The following CTNNA3 variants were observed in gnomAD, a reference collection of about 807,000 sequenced individuals.
The protein encoded by CTNNA3 is catenin alpha-3.
A neutral mutation model predicts 95.7 loss-of-function variants in CTNNA3; 76 were observed. That is an observed-to-expected ratio of 0.79 (90% CI 0.66 to 0.96). CTNNA3 has a LOEUF of 0.96. Ranked by LOEUF, CTNNA3 falls within the 40% of genes least tolerant of loss-of-function variation. The pLI is 0.00. For synonymous variants in CTNNA3, 431 were observed against 374.4 expected (o/e 1.15, Z -1.74); for missense variants, 1,191 against 1,089.8 (o/e 1.09, Z -1.31).
At chr10:67,370,181 A>G (rs1843368646) in intron 5 of CTNNA3, among the ~76,000 whole-genome samples, 1 of 152,178 alleles carries the variant, frequency 6.6e-6, no homozygotes, top group South Asian at 2.1e-4. Flanking sequence ...TGAATACTAT[A>G]AAGCTGTTAC....
At chr10:66,775,917 G>C (rs1589241832) in intron 7 of CTNNA3, among the ~76,000 whole-genome samples, 1 of 152,274 alleles carries the variant, frequency 6.6e-6, no homozygotes, top group African/African-American at 2.4e-5. Flanking sequence ...TTTCCATGGT[G>C]TATTGTGTAA....
rs182401051 is a variant in CTNNA3, at chr10:67,741,117, C to T, written c.-2+22317G>A. On this transcript the variant is annotated intron_variant, in intron 1 of 17. Transcript: ENST00000684154. ...AGGTGGGAACTGAACAATGGAAACA[C>T]ATGGACACAGGAGGGGGAACATCAC... 1.3e-4 allele frequency among the ~76,000 whole-genome samples: 20 copies of T among 150,800 alleles called. 1 individual carries two copies. Among genetic ancestry groups the T allele is most frequent in the Non-Finnish European group, 2.4e-4 (16 of 67,600 alleles).
At position 67,191,863 on chromosome 10, in the gene CTNNA3, C is replaced by G. The variant is rs147762382; in HGVS notation, c.844-11343G>C. ...AAGTACATTACAAAGCTATAGCAATCAAAACAGTATAGTACTAGCATAAAA... is the reference window on the plus strand; with the variant it reads ...AAGTACATTACAAAGCTATAGCAATGAAAACAGTATAGTACTAGCATAAAA... On this transcript the variant is annotated intron_variant, in intron 6 of 17. Coordinates refer to ENST00000433211, the MANE Select transcript of CTNNA3 (RefSeq NM_013266.4). Among the ~76,000 whole-genome samples, 533 of 151,966 alleles carry G rather than the reference C, an allele frequency of 3.5e-3. 4 individuals are homozygous for G. Among genetic ancestry groups the G allele is most frequent in the African/African-American group, 0.012 (512 of 41,524 alleles).
intron 10 of CTNNA3, among the ~76,000 whole-genome samples, chr10:66,600,785 C>T (rs1589476798): frequency 6.6e-6 from 1 of 151,784 alleles, no homozygotes; most frequent in African/African-American, 2.4e-5. Context: ...ATAGCAAGCC[C>T]TAAATATATG....
chr10:66,010,510 CA>C (rs1370638663), intron 15 of CTNNA3, among the ~76,000 whole-genome samples: 2 of 151,950 alleles, frequency 1.3e-5, no homozygotes, highest in Non-Finnish European at 2.9e-5. Flanking sequence ...AACAAAAGAG[CA>C]GCTTATTTTC....
At chr10:66,333,091 T>TA (rs1274851008) in intron 12 of CTNNA3, among the ~76,000 whole-genome samples, 12 of 152,222 alleles carry the variant, frequency 7.9e-5, no homozygotes, top group African/African-American at 2.2e-4. Flanking sequence ...TATCATTTTT[T>TA]ATTGAATCTA....
intron 14 of CTNNA3, among the ~76,000 whole-genome samples, chr10:66,102,526 C>T (rs938830593): frequency 3.9e-5 from 6 of 152,276 alleles, no homozygotes; most frequent in African/African-American, 1.2e-4. Context: ...TGCTGTACTA[C>T]GTGGGTTTCA....
intron 11 of CTNNA3, among the ~76,000 whole-genome samples, chr10:66,483,275 T>G (rs891377940): frequency 2.0e-5 from 3 of 152,218 alleles, no homozygotes; most frequent in African/African-American, 7.2e-5. Flanking sequence ...CAAGAATGTT[T>G]ATTTGTACTC....
intron 17 of CTNNA3, among the ~76,000 whole-genome samples, chr10:65,937,488 GT>G (rs2077360631): frequency 6.6e-6 from 1 of 152,062 alleles, no homozygotes. Context: ...TCTTCCAAGA[GT>G]TTCTTTCTTG....
At chr10:67,217,794 T>C (rs1864451118) in intron 6 of CTNNA3, among the ~76,000 whole-genome samples, 1 of 151,310 alleles carries the variant, frequency 6.6e-6, no homozygotes, top group Admixed American at 6.6e-5. Flanking sequence ...GTTTTAGTAC[T>C]GTGAAAAATG....
At chr10:66,639,920 C>T (rs1005079457) in intron 9 of CTNNA3, among the ~76,000 whole-genome samples, 2 of 151,992 alleles carry the variant, frequency 1.3e-5, no homozygotes, top group African/African-American at 4.8e-5. Context: ...AAAAAAAAGA[C>T]TTGTTTCTCT....
intron 10 of CTNNA3, among the ~76,000 whole-genome samples, chr10:66,607,184 T>C (rs1844154861): frequency 6.6e-6 from 1 of 151,746 alleles, no homozygotes; most frequent in Non-Finnish European, 1.5e-5. Context: ...ATATAAAAGA[T>C]GTGGATAAAT....
chr10:67,360,409 C>G (rs192636022), intron 5 of CTNNA3, among the ~76,000 whole-genome samples: 2 of 130,098 alleles, frequency 1.5e-5, no homozygotes, highest in East Asian at 4.6e-4. Context: ...GCATAGAGAG[C>G]AAGCAGGAAA....
intron 7 of CTNNA3, among the ~76,000 whole-genome samples, chr10:66,997,217 G>C (rs1161718206): frequency 6.6e-6 from 1 of 152,238 alleles, no homozygotes; most frequent in East Asian, 1.9e-4. Flanking sequence ...ATTTTCCATA[G>C]TTGTGACTCA....
chr10:65,994,654 A>C (rs1349355149), intron 15 of CTNNA3, among the ~76,000 whole-genome samples: 1 of 152,130 alleles, frequency 6.6e-6, no homozygotes, highest in Non-Finnish European at 1.5e-5. Context: ...AGTTGAATCT[A>C]TTTGGGGCTC....
chr10:66,312,641 G>A (rs2092038004), intron 12 of CTNNA3, among the ~76,000 whole-genome samples: 3 of 151,952 alleles, frequency 2.0e-5, no homozygotes, highest in South Asian at 2.1e-4. Flanking sequence ...CCACCTCCTG[G>A]GTTCAAGAGA....
chr10:65,950,965 G>A (rs1387736915), intron 17 of CTNNA3, among the ~76,000 whole-genome samples: 1 of 151,840 alleles, frequency 6.6e-6, no homozygotes, highest in Non-Finnish European at 1.5e-5. Context: ...TCACAAAACA[G>A]ATCACTGCCA....
chr10:67,652,482 T>C (rs1221758274), intron 1 of CTNNA3, among the ~76,000 whole-genome samples: 1 of 152,218 alleles, frequency 6.6e-6, no homozygotes, highest in Non-Finnish European at 1.5e-5. Context: ...TTTCATCATC[T>C]AGAGTTTCAA....
At chr10:67,424,482 ATTC>A (rs1219179945) in intron 5 of CTNNA3, among the ~76,000 whole-genome samples, 2 of 152,154 alleles carry the variant, frequency 1.3e-5, no homozygotes, top group African/African-American at 4.8e-5. Flanking sequence ...AAGTTAATTC[ATTC>A]TTCTTATCAA....
Sources: gnomAD v4.1 joint callset for allele counts (sites outside exome capture counted in the v4.1 genomes callset) on GRCh38, gnomAD v4.1.1 for gene constraint, MANE v1.5 for transcripts, NCBI Gene and HGNC (gene_info 2026-07-23, HGNC 2026-07-21) for gene names.